The following FRMPD2 variants were observed in gnomAD, a reference collection of about 807,000 sequenced individuals.
The protein encoded by FRMPD2 is FERM and PDZ domain containing 2.
FRMPD2 carries 96 observed loss-of-function variants against 140.1 expected under a neutral mutation model. The observed-to-expected ratio is 0.69, with a 90% CI of 0.58 to 0.81. The LOEUF is 0.81. Among genes scored for constraint, FRMPD2 ranks in the 40% least tolerant of loss-of-function variants. The pLI, the probability that FRMPD2 is intolerant of heterozygous loss-of-function variation, is 0.00. For synonymous variants in FRMPD2, 449 were observed against 547.6 expected (o/e 0.82, Z 2.52); for missense variants, 1,240 against 1,447.4 (o/e 0.86, Z 2.32).
intron 1 of FRMPD2, among the ~76,000 whole-genome samples, chr10:48,273,778 G>A (rs565752628): frequency 3.3e-5 from 5 of 151,660 alleles, no homozygotes; most frequent in East Asian, 2.0e-4. Flanking sequence ...GTAAGTTCTC[G>A]TTGAATTAAT....
At chr10:48,171,467 A>G (rs1186037656) in intron 25 of FRMPD2, among the ~76,000 whole-genome samples, 31 of 152,380 alleles carry the variant, frequency 2.0e-4, no homozygotes, top group African/African-American at 7.5e-4. Flanking sequence ...AGGAAAAAGC[A>G]AACAAAAAAT....
At chr10:48,215,833 T>A (rs563040111) in intron 12 of FRMPD2, among the ~76,000 whole-genome samples, 2 of 152,100 alleles carry the variant, frequency 1.3e-5, no homozygotes, top group African/African-American at 2.4e-5. Flanking sequence ...TGCTGGTCCA[T>A]TTTATGTGTC....
At chr10:48,189,398 C>A (rs1247661766) in intron 16 of FRMPD2, among the ~76,000 whole-genome samples, 1 of 152,194 alleles carries the variant, frequency 6.6e-6, no homozygotes, top group Admixed American at 6.5e-5. Flanking sequence ...CAGGCAGGAG[C>A]TGTACCTCAC....
chr10:48,259,667 C>G (rs754038806), intron 1 of FRMPD2, among the ~76,000 whole-genome samples: 1 of 151,136 alleles, frequency 6.6e-6, no homozygotes, highest in Non-Finnish European at 1.5e-5. Flanking sequence ...TGAGTATACA[C>G]ACATACACAT....
Position 48,179,877 on chromosome 10 carries a change from A to G in FRMPD2, c.2790+926T>C, listed in dbSNP as rs1588808751. On this transcript the variant is annotated intron_variant, in intron 21 of 28. Coordinates refer to ENST00000374201, the MANE Select transcript of FRMPD2 (RefSeq NM_001018071.4). Reference sequence around the variant, plus strand: ...ACACTCAGCCTGAGTAAGGGAGGATAGGTCGTGGGAGACCTGTTTTCAAAG... The same window carrying G: ...ACACTCAGCCTGAGTAAGGGAGGATGGGTCGTGGGAGACCTGTTTTCAAAG... Among the ~76,000 whole-genome samples, 6 of 152,366 alleles carry G rather than the reference A, an allele frequency of 3.9e-5. 1 individual carries two copies. Among genetic ancestry groups the G allele is most frequent in the Admixed American group, 3.9e-4 (6 of 15,312 alleles).
At chr10:48,196,829 G>C (rs932650532) in intron 15 of FRMPD2, among the ~76,000 whole-genome samples, 8 of 152,182 alleles carry the variant, frequency 5.3e-5, no homozygotes, top group African/African-American at 1.7e-4. Context: ...AAACTCCTAA[G>C]ACAGTAGAAT....
intron 17 of FRMPD2, among the ~76,000 whole-genome samples, chr10:48,186,614 C>A (rs1218248117): frequency 1.3e-5 from 2 of 152,234 alleles, no homozygotes; most frequent in Non-Finnish European, 1.5e-5. Flanking sequence ...GATTCTGAGG[C>A]CTCCCCAGCC....
At chr10:48,183,007 C>A (rs1314369413) in intron 20 of FRMPD2, among the ~76,000 whole-genome samples, 2 of 152,176 alleles carry the variant, frequency 1.3e-5, no homozygotes, top group Non-Finnish European at 2.9e-5. Context: ...AAGGCTTCAA[C>A]CCCAGGATGA....
intron 1 of FRMPD2, among the ~76,000 whole-genome samples, chr10:48,268,890 G>A (rs969221771): frequency 6.6e-6 from 1 of 152,166 alleles, no homozygotes; most frequent in Non-Finnish European, 1.5e-5. Flanking sequence ...AATCACTGGG[G>A]GACACTGGAG....
At position 48,185,664 on chromosome 10, in the gene FRMPD2, C is replaced by A. The variant is rs781394922; in HGVS notation, c.2267-19G>T. On this transcript the variant is annotated intron_variant, in intron 17 of 28. Coordinates refer to ENST00000374201, the MANE Select transcript of FRMPD2 (RefSeq NM_001018071.4). ...TTTGAGCCTAGAGGTAGAATCAGAG[C>A]ACCACATTGTGCTTTTCCCCCAAAT... The A allele has an allele frequency of 2.1e-5, 33 of 1,587,764 alleles. No homozygotes were observed. Among genetic ancestry groups the A allele is most frequent in the Non-Finnish European group, 2.8e-5 (32 of 1,156,120 alleles).
At chr10:48,250,168 A>G (rs1020843153) in intron 2 of FRMPD2, among the ~76,000 whole-genome samples, 1 of 151,864 alleles carries the variant, frequency 6.6e-6, no homozygotes, top group Non-Finnish European at 1.5e-5. Flanking sequence ...GGTCGCCCCA[A>G]CCCCCACCTG....
rs193281627 is a variant in FRMPD2, at chr10:48,234,429, C to A, written c.993+2053G>T. 4.6e-5 allele frequency among the ~76,000 whole-genome samples: 7 copies of A among 152,274 alleles called. No individual in the cohort carries two copies. The East Asian group carries it at 1.4e-3, about 29-fold the overall frequency. The stretch of plus-strand genomic sequence containing the variant: ...GTTGCCAGTGTTTCCCACGGGACAG[C>A]CATGCTGTAAGGGGAATCTGTTTTG... On this transcript the variant is annotated intron_variant, in intron 9 of 28. Coordinates refer to ENST00000374201, the MANE Select transcript of FRMPD2 (RefSeq NM_001018071.4).
chr10:48,205,754 T>C (rs1588828734), intron 14 of FRMPD2, among the ~76,000 whole-genome samples: 1 of 152,212 alleles, frequency 6.6e-6, no homozygotes, highest in East Asian at 1.9e-4. Flanking sequence ...TGCTCAATTA[T>C]TATTTATTTT....
At chr10:48,241,041 A>G (rs1840093218) in intron 5 of FRMPD2, among the ~76,000 whole-genome samples, 1 of 152,194 alleles carries the variant, frequency 6.6e-6, no homozygotes, top group African/African-American at 2.4e-5. Flanking sequence ...TACACTGTCT[A>G]TCCAAGGACA....
intron 18 of FRMPD2, 39 bp from the exon 19 acceptor site, chr10:48,184,920 T>TA: frequency 1.3e-6 from 2 of 1,499,912 alleles, no homozygotes; most frequent in Non-Finnish European, 1.8e-6. Context: ...AGATGATACT[T>TA]AGTGATTTTG....
At chr10:48,240,598 C>A in intron 5 of FRMPD2, 106 bp from the exon 6 acceptor site, 1 of 1,466,044 alleles carries the variant, frequency 6.8e-7, no homozygotes, top group Non-Finnish European at 9.3e-7. Flanking sequence ...GAATTGTCTG[C>A]CCTATACGGT....
At chr10:48,159,454 T>G (rs1407852736) in intron 28 of FRMPD2, among the ~76,000 whole-genome samples, 1 of 151,368 alleles carries the variant, frequency 6.6e-6, no homozygotes, top group Non-Finnish European at 1.5e-5. Flanking sequence ...CTCTGCTGCC[T>G]CCCTCACTCC....
intron 27 of FRMPD2, among the ~76,000 whole-genome samples, chr10:48,164,288 G>A (rs1371028169): frequency 1.1e-4 from 16 of 151,212 alleles, no homozygotes; most frequent in African/African-American, 3.9e-4. Flanking sequence ...TGTCTCCACT[G>A]TCTTTGAGCT....
At chr10:48,184,711 T>C (rs1279454615) in intron 19 of FRMPD2, 29 bp from the exon 20 acceptor site, 1 of 1,592,840 alleles carries the variant, frequency 6.3e-7, no homozygotes, top group Non-Finnish European at 8.6e-7. Flanking sequence ...TCAATAATCC[T>C]TCAAGGAAAT....
Sources: gnomAD v4.1 joint callset for allele counts (sites outside exome capture counted in the v4.1 genomes callset) on GRCh38, gnomAD v4.1.1 for gene constraint, MANE v1.5 for transcripts, NCBI Gene and HGNC (gene_info 2026-07-23, HGNC 2026-07-21) for gene names.